The following CDH10 variants were observed in gnomAD, a reference collection of about 807,000 sequenced individuals.
The protein encoded by CDH10 is cadherin 10, also known as cadherin-10.
CDH10 carries 30 observed loss-of-function variants against 73.1 expected under a neutral mutation model. The observed-to-expected ratio is 0.41, with a 90% CI of 0.31 to 0.56. The LOEUF (loss-of-function observed/expected upper bound fraction) is 0.56. Ranked by LOEUF, CDH10 falls within the 20% of genes least tolerant of loss-of-function variation. The probability of loss-of-function intolerance (pLI) is 0.27; values close to 1 mark genes in which losing one functional copy is unlikely to be tolerated. For synonymous variants in CDH10, 345 were observed against 348.2 expected, an observed-to-expected ratio of 0.99 and a Z score of 0.10; for missense variants, 815 against 973.7, an observed-to-expected ratio of 0.84 and a Z score of 2.17.
At chr5:24,494,356 C>G (rs756052028) in intron 9 of CDH10, among the ~76,000 whole-genome samples, 7 of 151,776 alleles carry the variant, frequency 4.6e-5, no homozygotes, top group Non-Finnish European at 8.8e-5. Context: ...CAAATGTACT[C>G]TTAAGGATGT....
At chr5:24,508,463 TG>T (rs1742777430) in intron 7 of CDH10, among the ~76,000 whole-genome samples, 1 of 152,028 alleles carries the variant, frequency 6.6e-6, no homozygotes, top group African/African-American at 2.4e-5. Flanking sequence ...TCAACTTTGA[TG>T]GCTGTGCATT....
intron 1 of CDH10, among the ~76,000 whole-genome samples, chr5:24,627,963 G>A (rs1456720749): frequency 6.6e-6 from 1 of 152,074 alleles, no homozygotes; most frequent in African/African-American, 2.4e-5. Flanking sequence ...TTATTTTATA[G>A]TGAGGAAAAC....
At chr5:24,626,517 C>T (rs1747505988) in intron 1 of CDH10, among the ~76,000 whole-genome samples, 1 of 152,092 alleles carries the variant, frequency 6.6e-6, no homozygotes, top group Admixed American at 6.6e-5. Context: ...CATAGTATCA[C>T]ATGAAAGTTT....
chr5:24,539,642 T>C (rs1421485863), intron 2 of CDH10, among the ~76,000 whole-genome samples: 1 of 152,014 alleles, frequency 6.6e-6, no homozygotes, highest in Non-Finnish European at 1.5e-5. Flanking sequence ...AGAAGTCAGG[T>C]AACAAATAGT....
At chr5:24,557,402 A>G (rs943385890) in intron 2 of CDH10, among the ~76,000 whole-genome samples, 7 of 151,672 alleles carry the variant, frequency 4.6e-5, no homozygotes, top group African/African-American at 7.3e-5. Flanking sequence ...GTAATTTTCA[A>G]CTTACATCCA....
intron 1 of CDH10, among the ~76,000 whole-genome samples, chr5:24,619,546 T>C (rs1437301656): frequency 6.6e-6 from 1 of 152,154 alleles, no homozygotes; most frequent in African/African-American, 2.4e-5. Context: ...AAGTTGATGC[T>C]GGAACGAGTT....
At chr5:24,502,512 G>A (rs1392511812) in intron 8 of CDH10, among the ~76,000 whole-genome samples, 3 of 152,052 alleles carry the variant, frequency 2.0e-5, no homozygotes, top group Admixed American at 6.5e-5. Context: ...TCTCATCCTC[G>A]TTGCATTTAA....
At chr5:24,549,732 A>G (rs1744477932) in intron 2 of CDH10, among the ~76,000 whole-genome samples, 1 of 151,926 alleles carries the variant, frequency 6.6e-6, no homozygotes. Context: ...TTGTGTTTTT[A>G]GTAGAGACGA....
intron 2 of CDH10, among the ~76,000 whole-genome samples, chr5:24,586,462 G>A (rs1273458345): frequency 3.0e-5 from 3 of 99,030 alleles, no homozygotes; most frequent in East Asian, 3.2e-4. Flanking sequence ...TTTTTGAGAC[G>A]GAGTTTAGCT....
At chr5:24,497,620 T>C (rs528398837) in intron 9 of CDH10, among the ~76,000 whole-genome samples, 32 of 152,230 alleles carry the variant, frequency 2.1e-4, no homozygotes, top group African/African-American at 7.2e-4. Context: ...TTATAAAGAG[T>C]ATCAAATAAT....
chr5:24,559,726 G>C (rs1192911311), intron 2 of CDH10, among the ~76,000 whole-genome samples: 1 of 152,012 alleles, frequency 6.6e-6, no homozygotes, highest in Non-Finnish European at 1.5e-5. Context: ...TGAAAATGAT[G>C]CTTTGAAAGA....
At chr5:24,600,198 T>C (rs1443453696) in intron 1 of CDH10, among the ~76,000 whole-genome samples, 1 of 152,200 alleles carries the variant, frequency 6.6e-6, no homozygotes, top group Non-Finnish European at 1.5e-5. Context: ...AAATATAGAA[T>C]ATAGAATCCG....
At chr5:24,515,975 C>T (rs1418582135) in intron 5 of CDH10, among the ~76,000 whole-genome samples, 1 of 152,200 alleles carries the variant, frequency 6.6e-6, no homozygotes, top group Non-Finnish European at 1.5e-5. Flanking sequence ...GACTATGAGG[C>T]CTTCCCAGCC....
intron 1 of CDH10, chr5:24,612,518 A>T (rs1338419392): frequency 6.6e-6 from 1 of 152,134 alleles, no homozygotes; most frequent in African/African-American, 2.4e-5. Context: ...AAAATAGTTT[A>T]CTCAGTGTCA....
intron 7 of CDH10, among the ~76,000 whole-genome samples, chr5:24,509,032 T>C (rs1276692063): frequency 1.3e-5 from 2 of 151,950 alleles, no homozygotes; most frequent in Non-Finnish European, 1.5e-5. Flanking sequence ...AAGAAAACCA[T>C]GAAGCTTGTG....
intron 1 of CDH10, among the ~76,000 whole-genome samples, chr5:24,615,766 T>C (rs913490506): frequency 1.3e-5 from 2 of 152,184 alleles, no homozygotes; most frequent in African/African-American, 4.8e-5. Context: ...GCCCTCTTCA[T>C]AGAAATTAAA....
At chr5:24,568,318 T>A (rs930352197) in intron 2 of CDH10, among the ~76,000 whole-genome samples, 4 of 151,890 alleles carry the variant, frequency 2.6e-5, no homozygotes, top group Non-Finnish European at 5.9e-5. Context: ...GGCAGCACAA[T>A]TAAAAAAAGA....
In CDH10 at chr5:24,516,869, G is replaced by A. The variant is rs190067759; in HGVS notation, c.815-5355C>T. ...TTCTGCTTGAGAAAGAACCATAATT[G>A]TTTCATATAGTGCAGTATTAAAAAT... is the stretch of plus-strand genomic sequence containing the variant. On this transcript the variant is annotated intron_variant, in intron 5 of 11. Transcript: ENST00000264463. Among the ~76,000 whole-genome samples, 1,089 of 151,058 alleles carry A rather than the reference G, an allele frequency of 7.2e-3. 13 individuals are homozygous for A. The highest frequency in any genetic ancestry group is 0.026 in the African/African-American group (1,049 of 41,114).
At chr5:24,548,958 TG>T (rs1217635482) in intron 2 of CDH10, among the ~76,000 whole-genome samples, 1 of 151,616 alleles carries the variant, frequency 6.6e-6, no homozygotes, top group African/African-American at 2.4e-5. Context: ...ATAAAACAGG[TG>T]GAAAAATAGA....
Sources: allele counts gnomAD v4.1 joint callset (sites outside exome capture counted in the v4.1 genomes callset), GRCh38; gene constraint gnomAD v4.1.1; transcripts MANE v1.5; gene names NCBI Gene and HGNC (gene_info 2026-07-23, HGNC 2026-07-21).